DNASE1: variants seen among roughly 807,000 people sequenced by gnomAD.
The protein encoded by DNASE1 is deoxyribonuclease 1.
In DNASE1, 40 loss-of-function variants were observed where a neutral mutation model predicts 33.9. That is an observed-to-expected ratio of 1.18 (90% CI 0.92 to 1.54). The LOEUF (loss-of-function observed/expected upper bound fraction) is 1.54. Among genes scored for constraint, DNASE1 ranks in the 40% most tolerant of loss-of-function variants. The pLI is 0.00. For missense variants in DNASE1, 518 were observed against 372.6 expected (o/e 1.39, Z -3.21); for synonymous variants, 216 against 160.0 (o/e 1.35, Z -2.64).
chr16:3,612,901 C>T (rs1270821871), intron 1 of DNASE1, among the ~76,000 whole-genome samples: 1 of 150,712 alleles, frequency 6.6e-6, no homozygotes, highest in Non-Finnish European at 1.5e-5. Context: ...GCCTTAACAT[C>T]TGAGAGTAGT....
chr16:3,643,551 T>C (rs571024743), intron 1 of DNASE1, among the ~76,000 whole-genome samples: 2 of 152,082 alleles, frequency 1.3e-5, no homozygotes, highest in South Asian at 2.1e-4. Flanking sequence ...CGGAGCGGAG[T>C]GGGTGAGCTG....
At chr16:3,634,210 T>C (rs1288643863) in intron 1 of DNASE1, among the ~76,000 whole-genome samples, 1 of 151,624 alleles carries the variant, frequency 6.6e-6, no homozygotes, top group Non-Finnish European at 1.5e-5. Flanking sequence ...GTTTTTGTTG[T>C]CGAGACAGGG....
At chr16:3,631,353 C>A (rs1002563594) in intron 1 of DNASE1, among the ~76,000 whole-genome samples, 1 of 151,668 alleles carries the variant, frequency 6.6e-6, no homozygotes, top group African/African-American at 2.4e-5. Context: ...TACAAGTGCC[C>A]CCCACCACAC....
intron 1 of DNASE1, among the ~76,000 whole-genome samples, chr16:3,618,250 TA>T (rs34169414): frequency 0.016 from 1,891 of 120,192 alleles, 22 homozygotes; most frequent in African/African-American, 0.023. Flanking sequence ...AGCCATTTCC[TA>T]AAAAAAAAAA....
intron 1 of DNASE1, among the ~76,000 whole-genome samples, chr16:3,625,445 C>T (rs1217780983): frequency 6.6e-6 from 1 of 151,954 alleles, no homozygotes. Context: ...TAGTGAGACC[C>T]ATCGCTGCAA....
intron 1 of DNASE1, among the ~76,000 whole-genome samples, chr16:3,636,157 T>C (rs2041861695): frequency 6.6e-6 from 1 of 152,216 alleles, no homozygotes; most frequent in Non-Finnish European, 1.5e-5. Context: ...GTTTGGGAAG[T>C]TGCTACTGAC....
At chr16:3,618,467 C>A (rs376896488) in intron 1 of DNASE1, among the ~76,000 whole-genome samples, 3 of 152,140 alleles carry the variant, frequency 2.0e-5, no homozygotes, top group Non-Finnish European at 4.4e-5. Flanking sequence ...CGGTGGCTCA[C>A]GCCCGTAATC....
At chr16:3,634,053 G>A (rs954798683) in intron 1 of DNASE1, among the ~76,000 whole-genome samples, 13 of 151,698 alleles carry the variant, frequency 8.6e-5, no homozygotes, top group South Asian at 4.2e-4. Context: ...CTCGTGATCC[G>A]CCCGTCTCGG....
In DNASE1 at chr16:3,657,311, C is replaced by T. The variant is rs761734171; in HGVS notation, c.674C>T (p.Thr225Ile). Residue 225 changes from threonine to isoleucine, a missense_variant, in exon 7 of 9, where the codon ACA (threonine) becomes ATA (isoleucine). Physicochemically the swap from Thr to Ile is moderately conservative, Grantham distance 89. Transcript: ENST00000246949. ...CTGATCCCCGACAGCGCTGACACCA[C>T]AGCTACACCCACGCACTGTGCCTAT... is the stretch of plus-strand genomic sequence containing the variant. The part of the protein sequence containing the change: ...QWLIPDSADT[T>I]ATPTHCAYDR... 6.2e-7 allele frequency: 1 copy of T among 1,613,756 alleles called. No homozygotes were observed. The highest frequency in any genetic ancestry group is 2.2e-5 in the East Asian group (1 of 44,884).
In DNASE1 at chr16:3,655,928, A is replaced by C; in HGVS notation, c.227A>C (p.Asn76Thr). Residue 76 changes from asparagine (N) to threonine (T), a missense_variant, in exon 3 of 9, where the codon AAC (asparagine) becomes ACC (threonine). Coordinates refer to ENST00000246949, the MANE Select transcript of DNASE1 (RefSeq NM_005223.4). ...HLTAVGKLLD[N>T]LNQDAPDTYH... is the part of the protein sequence containing the mutation. ...ACTGCCGTGGGGAAGCTGCTGGACA[A>C]CCTCAATCAGTGGGTGACAGTGGCA... 6.2e-7 allele frequency: 1 copy of C among 1,613,640 alleles called. No homozygotes were observed. The highest frequency in any genetic ancestry group is 8.5e-7 in the Non-Finnish European group (1 of 1,179,702).
intron 1 of DNASE1, among the ~76,000 whole-genome samples, chr16:3,617,319 T>A (rs2041139648): frequency 4.2e-5 from 3 of 70,636 alleles, no homozygotes; most frequent in Non-Finnish European, 2.2e-5. Context: ...AGAGCGAAAC[T>A]CCATCTCAAA....
upstream of DNASE1, among the ~76,000 whole-genome samples, chr16:3,642,288 C>A (rs904216893): frequency 6.6e-6 from 1 of 152,218 alleles, no homozygotes; most frequent in Non-Finnish European, 1.5e-5. Flanking sequence ...ACTGCCATGC[C>A]CTCCCATTAG....
At chr16:3,637,914 G>A (rs561820473) in intron 1 of DNASE1, among the ~76,000 whole-genome samples, 1 of 152,258 alleles carries the variant, frequency 6.6e-6, no homozygotes, top group African/African-American at 2.4e-5. Context: ...GCAGTCATTT[G>A]CCCTGTAACT....
At chr16:3,619,219 AG>A (rs1360113582) in intron 1 of DNASE1, among the ~76,000 whole-genome samples, 2 of 151,822 alleles carry the variant, frequency 1.3e-5, no homozygotes, top group East Asian at 1.9e-4. Context: ...TATTTTTAGT[AG>A]AGAAAGGGTT....
chr16:3,615,295 C>A (rs1376385882), intron 1 of DNASE1, among the ~76,000 whole-genome samples: 1 of 152,098 alleles, frequency 6.6e-6, no homozygotes, highest in Non-Finnish European at 1.5e-5. Flanking sequence ...ATAATTCCTC[C>A]CTTCAATGAA....
intron 1 of DNASE1, among the ~76,000 whole-genome samples, chr16:3,618,709 A>G (rs1026654389): frequency 6.6e-6 from 1 of 152,258 alleles, no homozygotes; most frequent in Non-Finnish European, 1.5e-5. Context: ...AGCCTGGGCA[A>G]CAAGAATGAA....
intron 1 of DNASE1, among the ~76,000 whole-genome samples, chr16:3,631,260 T>G (rs974874295): frequency 6.6e-6 from 1 of 152,038 alleles, no homozygotes; most frequent in Non-Finnish European, 1.5e-5. Flanking sequence ...TGGAGTGCAG[T>G]GGCAATCTTG....
chr16:3,629,151 G>A (rs906413189), intron 1 of DNASE1, among the ~76,000 whole-genome samples: 8 of 130,128 alleles, frequency 6.1e-5, no homozygotes, highest in Non-Finnish European at 1.2e-4. Flanking sequence ...CAGCCTGGGC[G>A]ACAGAGCAAG....
chr16:3,658,918 C>G (rs2042893701), downstream of DNASE1: 4 of 1,578,136 alleles, frequency 2.5e-6, no homozygotes, highest in Admixed American at 1.7e-5. Flanking sequence ...TGCTGTGACC[C>G]TCCCTTCATG....
Sources: allele counts gnomAD v4.1 joint callset (sites outside exome capture counted in the v4.1 genomes callset), GRCh38; gene constraint gnomAD v4.1.1; transcripts MANE v1.5; gene names NCBI Gene and HGNC (gene_info 2026-07-23, HGNC 2026-07-21).